Variants in GABPB1 observed in about 807,000 individuals in gnomAD.
GABPB1 encodes GA-binding protein subunit beta-1.
A neutral mutation model predicts 45.9 loss-of-function variants in GABPB1; 15 were observed. That is an observed-to-expected ratio of 0.33 (90% CI 0.22 to 0.50). GABPB1 has a LOEUF of 0.50. Among genes scored for constraint, GABPB1 ranks in the 20% least tolerant of loss-of-function variants. The pLI, the probability that GABPB1 is intolerant of heterozygous loss-of-function variation, is 0.98. For missense variants in GABPB1, 252 were observed against 457.5 expected (o/e 0.55, Z 4.10); for synonymous variants, 143 against 154.4 (o/e 0.93, Z 0.55).
rs1423522349 is a variant in GABPB1 at position 50,275,618 on chromosome 15, T to C, written c.*3014A>G. 6.6e-6 allele frequency: 1 copy of C among 152,156 alleles called. No individual in the cohort carries two copies. Among genetic ancestry groups the C allele is most frequent in the African/African-American group, 2.4e-5 (1 of 41,428 alleles). The allele number at this position is 152,156 out of a possible 1,614,324, so 9.4% of individuals were successfully genotyped here. Reference sequence around the variant, plus strand: ...GATTTCCCATTTATCCTCTTTTCTCTCTAATTGTCTTCCCAACCCTCCACC... The same window carrying C: ...GATTTCCCATTTATCCTCTTTTCTCCCTAATTGTCTTCCCAACCCTCCACC... On this transcript the variant is annotated 3_prime_UTR_variant, in exon 9 of 9. Coordinates refer to ENST00000380877, the MANE Select transcript of GABPB1 (RefSeq NM_016654.5).
chr15:50,346,207 C>A (rs528478637), intron 1 of GABPB1, among the ~76,000 whole-genome samples: 1 of 151,980 alleles, frequency 6.6e-6, no homozygotes, highest in East Asian at 1.9e-4. Flanking sequence ...TCCTTTTTCA[C>A]TTATATAGAA....
intron 6 of GABPB1, among the ~76,000 whole-genome samples, chr15:50,299,888 C>T (rs993862824): frequency 6.6e-6 from 1 of 151,952 alleles, no homozygotes; most frequent in Admixed American, 6.6e-5. Context: ...ATGATCTTGG[C>T]TCATGGCAAC....
intron 6 of GABPB1, among the ~76,000 whole-genome samples, chr15:50,300,220 G>A (rs2046678795): frequency 6.6e-6 from 1 of 152,010 alleles, no homozygotes. Flanking sequence ...TAGTTACCAA[G>A]ATTTAATGTT....
intron 6 of GABPB1, among the ~76,000 whole-genome samples, chr15:50,290,608 C>T (rs2046314118): frequency 6.6e-6 from 1 of 151,372 alleles, no homozygotes; most frequent in Non-Finnish European, 1.5e-5. Context: ...AAAAAAAATC[C>T]ACAATTCATA....
At chr15:50,344,435 A>T (rs1181407781) in intron 1 of GABPB1, among the ~76,000 whole-genome samples, 4 of 152,236 alleles carry the variant, frequency 2.6e-5, no homozygotes, top group Non-Finnish European at 5.9e-5. Context: ...TGGGTTCAAA[A>T]TATTTTCAGG....
chr15:50,284,031 C>G (rs2046079888), intron 8 of GABPB1, among the ~76,000 whole-genome samples: 4 of 152,248 alleles, frequency 2.6e-5, no homozygotes, highest in South Asian at 4.2e-4. Flanking sequence ...CATTACATGT[C>G]AGTGGAATGC....
At chr15:50,285,512 A>C (rs2046123040) in intron 8 of GABPB1, among the ~76,000 whole-genome samples, 2 of 152,198 alleles carry the variant, frequency 1.3e-5, no homozygotes, top group Admixed American at 1.3e-4. Context: ...TGGTTTTGTT[A>C]CACCTACAAA....
intron 6 of GABPB1, among the ~76,000 whole-genome samples, chr15:50,299,204 T>C (rs1024698684): frequency 3.3e-5 from 5 of 152,218 alleles, no homozygotes; most frequent in Non-Finnish European, 4.4e-5. Flanking sequence ...AAATTATTCT[T>C]TGCTTTTATA....
At chr15:50,299,001 A>C (rs1277311163) in intron 6 of GABPB1, among the ~76,000 whole-genome samples, 1 of 151,930 alleles carries the variant, frequency 6.6e-6, no homozygotes, top group East Asian at 1.9e-4. Context: ...GAAAAGAAAA[A>C]GGTAGCATTC....
chr15:50,354,669 C>T (rs1405995592), intron 1 of GABPB1: 1 of 421,584 alleles, frequency 2.4e-6, no homozygotes, highest in South Asian at 1.6e-5. Context: ...GACCGGCAAG[C>T]CGGGTAGCCG....
chr15:50,303,859 T>C (rs1021475689), intron 3 of GABPB1, 107 bp downstream of exon 3: 6 of 804,194 alleles, frequency 7.5e-6, no homozygotes, highest in Admixed American at 5.6e-5. Context: ...AAAAATGAAA[T>C]ACTATAGATA....
intron 1 of GABPB1, among the ~76,000 whole-genome samples, chr15:50,328,593 T>C (rs1214035383): frequency 2.0e-5 from 3 of 152,212 alleles, no homozygotes; most frequent in Non-Finnish European, 4.4e-5. Context: ...TCACTTTTAA[T>C]GATACTAAGA....
intron 7 of GABPB1, among the ~76,000 whole-genome samples, chr15:50,288,519 C>A (rs982349168): frequency 6.6e-6 from 1 of 152,148 alleles, no homozygotes; most frequent in Non-Finnish European, 1.5e-5. Flanking sequence ...GAGTCTGGGG[C>A]CCTATCCTTC....
intron 1 of GABPB1, among the ~76,000 whole-genome samples, chr15:50,332,953 G>C (rs2047996178): frequency 6.6e-6 from 1 of 151,648 alleles, no homozygotes; most frequent in Non-Finnish European, 1.5e-5. Flanking sequence ...TTTGTGATTT[G>C]AGATCAATTT....
intron 8 of GABPB1, among the ~76,000 whole-genome samples, chr15:50,281,417 T>C (rs753119693): frequency 3.3e-5 from 5 of 152,156 alleles, no homozygotes; most frequent in Non-Finnish European, 7.4e-5. Flanking sequence ...TTCACCATGT[T>C]AGCCAGGATG....
At chr15:50,292,191 C>G (rs2046369060) in intron 6 of GABPB1, among the ~76,000 whole-genome samples, 1 of 150,602 alleles carries the variant, frequency 6.6e-6, no homozygotes, top group Non-Finnish European at 1.5e-5. Context: ...GTGGGCGCCT[C>G]TAGTCCCAGC....
intron 8 of GABPB1, among the ~76,000 whole-genome samples, chr15:50,282,777 G>A (rs973067155): frequency 3.3e-5 from 5 of 152,088 alleles, no homozygotes; most frequent in Admixed American, 6.6e-5. Flanking sequence ...ATTTACAGCC[G>A]TGCGCAGTGG....
chr15:50,316,481 C>T lies in GABPB1; in HGVS notation c.1-6683G>A, dbSNP rs185706271. 3.9e-3 allele frequency among the ~76,000 whole-genome samples: 587 copies of T among 152,184 alleles called. 3 individuals are homozygous for T. Among genetic ancestry groups the T allele is most frequent in the African/African-American group, 0.014 (564 of 41,534 alleles). On this transcript the variant is annotated intron_variant, in intron 1 of 8. Transcript: ENST00000380877. The stretch of plus-strand genomic sequence containing the variant: ...ACCTATTATATTTAATAAGCCTTTA[C>T]TCACATTAAAAATTTAAAATAAACT...
At position 50,286,674 on chromosome 15, in the gene GABPB1, T is replaced by C. The variant is rs1234189021; in HGVS notation, c.884-491A>G. On this transcript the variant is annotated intron_variant, in intron 7 of 8. Coordinates refer to ENST00000380877, the MANE Select transcript of GABPB1 (RefSeq NM_016654.5). ...ACTTATAATATCTTACATCACTACA[T>C]AGAGAGCTTCTGTTTATTTAGCTGC... Among the ~76,000 whole-genome samples, 4 of 152,178 alleles carry C rather than the reference T, an allele frequency of 2.6e-5. No homozygotes were observed. In the South Asian group the frequency reaches 8.3e-4, roughly 31 times the overall value.
Sources: gnomAD v4.1 joint callset for allele counts (sites outside exome capture counted in the v4.1 genomes callset) on GRCh38, gnomAD v4.1.1 for gene constraint, MANE v1.5 for transcripts, NCBI Gene and HGNC (gene_info 2026-07-23, HGNC 2026-07-21) for gene names.